The following SUGCT variants were observed in gnomAD, a reference collection of about 807,000 sequenced individuals.
The protein encoded by SUGCT is succinyl-CoA:glutarate-CoA transferase, also known as succinyl-CoA:glutarate CoA-transferase.
SUGCT carries 41 observed loss-of-function variants against 55.0 expected under a neutral mutation model. That is an observed-to-expected ratio of 0.74 (90% CI 0.58 to 0.97). The LOEUF (loss-of-function observed/expected upper bound fraction) is 0.97. Ranked by LOEUF, SUGCT falls within the 50% of genes least tolerant of loss-of-function variation. SUGCT has a pLI of 0.00. For synonymous variants in SUGCT, 187 were observed against 200.4 expected (o/e 0.93, Z 0.56); for missense variants, 568 against 547.8 (o/e 1.04, Z -0.37).
At chr7:40,969,189 C>T in the SUGCT span, among the ~76,000 whole-genome samples, 2 of 152,218 alleles carry the variant, frequency 1.3e-5, no homozygotes, top group Admixed American at 6.5e-5. Context: ...TTAAAAATGG[C>T]TTATCAGTCC....
rs139887098 is a variant in SUGCT, at chr7:40,231,850, A to G, written c.485-5785A>G. On this transcript the variant is annotated intron_variant, in intron 6 of 13. Coordinates refer to ENST00000335693, the MANE Select transcript of SUGCT (RefSeq NM_001193313.2). ...CGTGGTGGCTTATGCCTGTAATCCT[A>G]TTACTTTGGGAAGCTGAGGTGGGAG... is the stretch of plus-strand genomic sequence containing the variant. Among the ~76,000 whole-genome samples the G allele has an allele frequency of 7.9e-5, 12 of 152,266 alleles. No individual in the cohort carries two copies. In the East Asian group the frequency reaches 2.1e-3, roughly 27 times the overall value.
At position 40,652,894 on chromosome 7, in the gene SUGCT, G is replaced by T. The variant is rs1800846304; in HGVS notation, c.1090-96540G>T. Among the ~76,000 whole-genome samples, 3 of 152,172 alleles carry T rather than the reference G, an allele frequency of 2.0e-5. No homozygotes were observed. The South Asian group carries it at 6.2e-4, about 31-fold the overall frequency. ...CTTCTTGTGGAATATTTGATCTTCA[G>T]AACCTCATGTCTGTTTTATTCTGGA... On this transcript the variant is annotated intron_variant, in intron 12 of 13. Coordinates refer to ENST00000335693, the MANE Select transcript of SUGCT (RefSeq NM_001193313.2).
chr7:40,237,535 T>C, intron 6 of SUGCT, 100 bp from the exon 7 acceptor site: 1 of 913,928 alleles, frequency 1.1e-6, no homozygotes, highest in Non-Finnish European at 1.8e-6. Context: ...CTCGAAATGC[T>C]GCAGGATTTC....
chr7:40,702,419 A>G (rs937829568), intron 12 of SUGCT, among the ~76,000 whole-genome samples: 1 of 152,244 alleles, frequency 6.6e-6, no homozygotes, highest in African/African-American at 2.4e-5. Flanking sequence ...TGTAAAAAAT[A>G]CCAAAGTCAA....
chr7:40,295,005 G>A (rs1347408214), intron 8 of SUGCT, among the ~76,000 whole-genome samples: 1 of 152,174 alleles, frequency 6.6e-6, no homozygotes, highest in Non-Finnish European at 1.5e-5. Flanking sequence ...TTTTATTAGT[G>A]TACGTGCAAA....
intron 7 of SUGCT, among the ~76,000 whole-genome samples, chr7:40,272,799 A>C (rs112188584): frequency 0.014 from 2,090 of 151,648 alleles, 21 homozygotes; most frequent in Non-Finnish European, 0.022. Context: ...AGCCGGGATT[A>C]CATATATGTG....
intron 11 of SUGCT, among the ~76,000 whole-genome samples, chr7:40,485,261 C>T (rs1410059553): frequency 6.6e-6 from 1 of 151,840 alleles, no homozygotes; most frequent in Non-Finnish European, 1.5e-5. Flanking sequence ...TTCCAGTAAC[C>T]TGACTGCCTG....
chr7:41,012,253 A>T, the SUGCT span, among the ~76,000 whole-genome samples: 2 of 151,946 alleles, frequency 1.3e-5, no homozygotes, highest in Non-Finnish European at 2.9e-5. Flanking sequence ...TGATTAGCTC[A>T]CGCTCGCCTG....
intron 12 of SUGCT, among the ~76,000 whole-genome samples, chr7:40,543,281 CTTTA>C (rs959581809): frequency 6.6e-6 from 1 of 152,140 alleles, no homozygotes; most frequent in African/African-American, 2.4e-5. Flanking sequence ...AATTAATATT[CTTTA>C]TTTAGTTCAA....
intron 13 of SUGCT, among the ~76,000 whole-genome samples, chr7:40,773,386 C>T (rs935011749): frequency 6.6e-6 from 1 of 152,150 alleles, no homozygotes; most frequent in African/African-American, 2.4e-5. Context: ...ACCTTGGCCT[C>T]CCAAAATGCT....
intron 12 of SUGCT, among the ~76,000 whole-genome samples, chr7:40,532,526 C>CTGTGTGTGTGTGTG (rs3048827): frequency 3.0e-5 from 4 of 134,078 alleles, no homozygotes; most frequent in African/African-American, 8.3e-5. Context: ...GCAAGTATGT[C>CTGTGTGTGTGTGTG]TGTGTGTGTG....
intron 12 of SUGCT, among the ~76,000 whole-genome samples, chr7:40,722,611 G>A (rs539234312): frequency 6.6e-6 from 1 of 152,244 alleles, no homozygotes; most frequent in East Asian, 1.9e-4. Context: ...AATGGAGTGA[G>A]CCTTCTAAAA....
chr7:40,655,363 C>A (rs894802722), intron 12 of SUGCT, among the ~76,000 whole-genome samples: 2 of 152,144 alleles, frequency 1.3e-5, no homozygotes, highest in African/African-American at 2.4e-5. Context: ...TTTCCATTCA[C>A]TAGTGTTAAT....
intron 7 of SUGCT, among the ~76,000 whole-genome samples, chr7:40,240,810 C>T (rs543539441): frequency 2.5e-4 from 38 of 152,314 alleles, no homozygotes; most frequent in Non-Finnish European, 4.1e-4. Context: ...CATCACCCTA[C>T]GCGGTGGAGC....
the SUGCT span, among the ~76,000 whole-genome samples, chr7:41,029,290 T>G: frequency 6.6e-6 from 1 of 152,196 alleles, no homozygotes; most frequent in Non-Finnish European, 1.5e-5. Flanking sequence ...CTCGGCTATA[T>G]CCGATCTTGT....
At chr7:40,156,381 TGAACCCGGGA>T (rs1358358144) in intron 1 of SUGCT, among the ~76,000 whole-genome samples, 1 of 152,052 alleles carries the variant, frequency 6.6e-6, no homozygotes, top group East Asian at 2.0e-4. Flanking sequence ...GAGAATGGCG[TGAACCCGGGA>T]GGTGGAGCTT....
At chr7:40,663,826 C>T (rs1047016340) in intron 12 of SUGCT, among the ~76,000 whole-genome samples, 1 of 152,158 alleles carries the variant, frequency 6.6e-6, no homozygotes, top group African/African-American at 2.4e-5. Flanking sequence ...ATTAGAAATG[C>T]AAATTCTTGA....
the SUGCT span, among the ~76,000 whole-genome samples, chr7:40,923,078 G>A: frequency 6.6e-6 from 1 of 152,180 alleles, no homozygotes; most frequent in Non-Finnish European, 1.5e-5. Context: ...AGATTCAGTT[G>A]GAGCCTCTAT....
At chr7:40,752,261 T>G (rs78580930) in intron 13 of SUGCT, among the ~76,000 whole-genome samples, 2,058 of 152,268 alleles carry the variant, frequency 0.014, 143 homozygotes, top group East Asian at 0.093. Context: ...TGCAGAACAC[T>G]GGGGCAAGCA....
Sources: allele counts gnomAD v4.1 joint callset (sites outside exome capture counted in the v4.1 genomes callset), GRCh38; gene constraint gnomAD v4.1.1; transcripts MANE v1.5; gene names NCBI Gene and HGNC (gene_info 2026-07-23, HGNC 2026-07-21).